The following CNTN4 variants were observed in gnomAD, a reference collection of about 807,000 sequenced individuals.
The protein encoded by CNTN4 is contactin-4.
A neutral mutation model predicts 122.5 loss-of-function variants in CNTN4; 77 were observed. The ratio of observed to expected loss-of-function variants is 0.63; its 90% confidence interval spans 0.52 to 0.76. CNTN4 has a LOEUF of 0.76. CNTN4 is among the 30% of genes least tolerant of loss of function. The pLI is 0.00. For synonymous variants in CNTN4, 512 were observed against 447.0 expected (o/e 1.15, Z -1.83); for missense variants, 1,256 against 1,259.1 (o/e 1.00, Z 0.04).
intron 2 of CNTN4, among the ~76,000 whole-genome samples, chr3:2,308,146 A>G (rs1238566015): frequency 2.0e-5 from 3 of 151,856 alleles, no homozygotes; most frequent in Admixed American, 6.6e-5. Context: ...TCTTTCTAGG[A>G]ATTTTTCTAT....
intron 6 of CNTN4, among the ~76,000 whole-genome samples, chr3:2,780,449 C>T (rs1359734471): frequency 1.3e-5 from 2 of 152,168 alleles, no homozygotes; most frequent in Non-Finnish European, 2.9e-5. Context: ...CTCTTTTATG[C>T]ATTTTCTCTT....
At chr3:2,708,452 G>A (rs1204139257) in intron 4 of CNTN4, among the ~76,000 whole-genome samples, 1 of 152,154 alleles carries the variant, frequency 6.6e-6, no homozygotes, top group Non-Finnish European at 1.5e-5. Flanking sequence ...ATTCTTGGAG[G>A]GGATACGTTC....
At chr3:2,596,786 T>C (rs2080789832) in intron 4 of CNTN4, among the ~76,000 whole-genome samples, 1 of 152,218 alleles carries the variant, frequency 6.6e-6, no homozygotes, top group Non-Finnish European at 1.5e-5. Flanking sequence ...ATGTAAATTA[T>C]AAGGCCATTC....
At chr3:3,003,772 C>G (rs1696316774) in intron 14 of CNTN4, among the ~76,000 whole-genome samples, 1 of 143,556 alleles carries the variant, frequency 7.0e-6, no homozygotes, top group African/African-American at 2.5e-5. Flanking sequence ...ATTTTTGAGA[C>G]AGAGTCTTGT....
chr3:3,030,494 G>A (rs1177138709), intron 15 of CNTN4, among the ~76,000 whole-genome samples: 2 of 152,100 alleles, frequency 1.3e-5, no homozygotes, highest in African/African-American at 2.4e-5. Flanking sequence ...GTATCCGAAC[G>A]CCAACCAAGG....
At chr3:3,043,928 A>G (rs1486559351) in intron 23 of CNTN4, among the ~76,000 whole-genome samples, 1 of 152,186 alleles carries the variant, frequency 6.6e-6, no homozygotes, top group Non-Finnish European at 1.5e-5. Context: ...GGCAGCATCA[A>G]TCAGAAATGG....
intron 4 of CNTN4, among the ~76,000 whole-genome samples, chr3:2,718,462 A>G (rs533445194): frequency 6.6e-6 from 1 of 152,238 alleles, no homozygotes; most frequent in Non-Finnish European, 1.5e-5. Context: ...CTACTTCAGG[A>G]TGCTTTTCGT....
At chr3:2,836,495 T>C (rs1247807709) in intron 7 of CNTN4, among the ~76,000 whole-genome samples, 1 of 152,134 alleles carries the variant, frequency 6.6e-6, no homozygotes, top group Non-Finnish European at 1.5e-5. Flanking sequence ...TTAACTCATT[T>C]AACCCTTACA....
chr3:2,363,547 T>G (rs1201561877), intron 3 of CNTN4, among the ~76,000 whole-genome samples: 1 of 152,196 alleles, frequency 6.6e-6, no homozygotes, highest in African/African-American at 2.4e-5. Flanking sequence ...AGGTAGACAT[T>G]ATTATTCACA....
intron 4 of CNTN4, among the ~76,000 whole-genome samples, chr3:2,672,308 C>T (rs553790980): frequency 6.6e-5 from 10 of 152,318 alleles, no homozygotes; most frequent in African/African-American, 2.2e-4. Context: ...CAAGCCTCAG[C>T]AATGGTGGGC....
chr3:3,034,805 G>A lies in CNTN4; in HGVS notation c.1942+15G>A. The A allele has an allele frequency of 3.1e-6, 5 of 1,614,012 alleles. No homozygotes were observed. The highest frequency in any genetic ancestry group is 4.2e-6 in the Non-Finnish European group (5 of 1,179,896). Reference sequence around the variant, plus strand: ...AGTCAGTACAGGTACCATATTGGATGCTTGGCTCAGAGACATTGGGAACTC... The same window carrying A: ...AGTCAGTACAGGTACCATATTGGATACTTGGCTCAGAGACATTGGGAACTC... On this transcript the variant is annotated intron_variant, in intron 17 of 24. Transcript: ENST00000418658.
intron 3 of CNTN4, among the ~76,000 whole-genome samples, chr3:2,391,158 G>T (rs540571951): frequency 6.6e-6 from 1 of 152,276 alleles, no homozygotes; most frequent in African/African-American, 2.4e-5. Context: ...AATCCGAGAA[G>T]CACCTTTGTT....
intron 6 of CNTN4, among the ~76,000 whole-genome samples, chr3:2,802,237 C>G (rs2092365672): frequency 6.6e-6 from 1 of 152,152 alleles, no homozygotes. Context: ...CTTTTGGAGT[C>G]TTTGTGGTCA....
chr3:2,347,253 C>T (rs2044431114), intron 3 of CNTN4, among the ~76,000 whole-genome samples: 1 of 152,092 alleles, frequency 6.6e-6, no homozygotes, highest in South Asian at 2.1e-4. Context: ...TTGGTGGAGG[C>T]ACCATCTGGG....
intron 2 of CNTN4, among the ~76,000 whole-genome samples, chr3:2,140,146 C>T (rs557130855): frequency 4.7e-4 from 72 of 152,298 alleles, no homozygotes; most frequent in African/African-American, 1.6e-3. Context: ...GAGGACTCCC[C>T]AGCCATGTGG....
intron 3 of CNTN4, among the ~76,000 whole-genome samples, chr3:2,503,383 T>C (rs747127827): frequency 1.3e-5 from 2 of 152,184 alleles, no homozygotes; most frequent in Non-Finnish European, 2.9e-5. Flanking sequence ...TTTGTCTATG[T>C]TCGAAAATTT....
At chr3:2,266,442 A>T (rs1212003093) in intron 2 of CNTN4, among the ~76,000 whole-genome samples, 1 of 151,986 alleles carries the variant, frequency 6.6e-6, no homozygotes, top group African/African-American at 2.4e-5. Flanking sequence ...CTTTAAGCCT[A>T]CTTTTCTTCA....
chr3:2,713,113 AG>A, intron 4 of CNTN4, among the ~76,000 whole-genome samples: 1 of 152,320 alleles, frequency 6.6e-6, no homozygotes, highest in East Asian at 1.9e-4. Flanking sequence ...GAAGTTCCAG[AG>A]GCCCAAATTT....
At chr3:2,882,727 T>C in intron 8 of CNTN4, 1 of 196,398 alleles carries the variant, frequency 5.1e-6, no homozygotes, top group Non-Finnish European at 1.1e-5. Context: ...TATTTTATTA[T>C]ATAGACATAA....
Sources: gnomAD v4.1 joint callset for allele counts (sites outside exome capture counted in the v4.1 genomes callset) on GRCh38, gnomAD v4.1.1 for gene constraint, MANE v1.5 for transcripts, NCBI Gene and HGNC (gene_info 2026-07-23, HGNC 2026-07-21) for gene names.